SYNPO2: variants seen among roughly 807,000 people sequenced by gnomAD.
SYNPO2 encodes synaptopodin-2.
A neutral mutation model predicts 85.0 loss-of-function variants in SYNPO2; 56 were observed. That is an observed-to-expected ratio of 0.66 (90% CI 0.53 to 0.82). SYNPO2 has a LOEUF of 0.82. Among genes scored for constraint, SYNPO2 ranks in the 40% least tolerant of loss-of-function variants. The pLI is 0.00. For synonymous variants in SYNPO2, 602 were observed against 591.1 expected (o/e 1.02, Z -0.27); for missense variants, 1,575 against 1,534.2 (o/e 1.03, Z -0.44).
chr4:118,887,859 C>T (rs1732234931), upstream of SYNPO2, among the ~76,000 whole-genome samples: 1 of 152,010 alleles, frequency 6.6e-6, no homozygotes, highest in Admixed American at 6.5e-5. Flanking sequence ...TGTTTGGTAC[C>T]ACAAGTAACA....
At chr4:118,976,791 G>A (rs1735765824) in intron 1 of SYNPO2, among the ~76,000 whole-genome samples, 1 of 151,686 alleles carries the variant, frequency 6.6e-6, no homozygotes, top group Non-Finnish European at 1.5e-5. Context: ...AATGCCGATT[G>A]GTGTATTTAC....
intron 1 of SYNPO2, among the ~76,000 whole-genome samples, chr4:118,975,994 A>G (rs926619726): frequency 6.6e-6 from 1 of 152,248 alleles, no homozygotes; most frequent in Admixed American, 6.5e-5. Flanking sequence ...GGAGACTGCC[A>G]TTTATTAATA....
chr4:119,021,165 A>G (rs1737706974), intron 1 of SYNPO2, among the ~76,000 whole-genome samples: 1 of 152,216 alleles, frequency 6.6e-6, no homozygotes, highest in Admixed American at 6.5e-5. Context: ...CCCTCCCAGA[A>G]CAAAACTAAT....
chr4:118,982,347 T>C (rs1378190547), intron 1 of SYNPO2, among the ~76,000 whole-genome samples: 1 of 152,098 alleles, frequency 6.6e-6, no homozygotes, highest in African/African-American at 2.4e-5. Flanking sequence ...AAATCATGAG[T>C]ATGTTTGCAG....
chr4:118,961,401 C>T (rs1382165936), intron 1 of SYNPO2, among the ~76,000 whole-genome samples: 3 of 152,044 alleles, frequency 2.0e-5, no homozygotes, highest in Non-Finnish European at 4.4e-5. Flanking sequence ...ATTCTTCAGA[C>T]ATGCTAAGCT....
chr4:118,863,025 G>A (rs1359977974), intron 1 of SYNPO2, among the ~76,000 whole-genome samples: 1 of 152,146 alleles, frequency 6.6e-6, no homozygotes, highest in Non-Finnish European at 1.5e-5. Context: ...TGGCCAGGCT[G>A]CTCTGGAACT....
rs147878127 is a variant in SYNPO2, at chr4:118,876,464, C to CT, written c.12+25526dup. ...TTTCCCTCTGAAACTCTTTTGTTTA[C>CT]TTATGTATTGTCTGGCTTCTCCAGT... On this transcript the variant is annotated intron_variant, in intron 1 of 4. Coordinates refer to the SYNPO2 transcript ENST00000610556. Among the ~76,000 whole-genome samples, 464 of 152,252 alleles carry CT rather than the reference C, an allele frequency of 3.0e-3. 2 individuals are homozygous for CT. Among genetic ancestry groups the CT allele is most frequent in the African/African-American group, 0.01 (435 of 41,554 alleles).
At chr4:118,852,850 A>T (rs6848274) in intron 1 of SYNPO2, among the ~76,000 whole-genome samples, 77,806 of 152,034 alleles carry the variant, frequency 0.51, 22,189 homozygotes, top group African/African-American at 0.77. Context: ...AACCTACACA[A>T]GTACCCCTGA....
intron 1 of SYNPO2, among the ~76,000 whole-genome samples, chr4:118,862,325 C>A (rs2110566291): frequency 6.6e-6 from 1 of 152,244 alleles, no homozygotes; most frequent in Middle Eastern, 3.4e-3. Flanking sequence ...CTTTATTTCT[C>A]TTGTCTGATT....
chr4:119,035,906 TA>T (rs1738494634), intron 4 of SYNPO2: 1 of 985,282 alleles, frequency 1.0e-6, no homozygotes, highest in African/African-American at 1.7e-5. Flanking sequence ...GTTACAAGGT[TA>T]AAGAACTTTG....
intron 1 of SYNPO2, among the ~76,000 whole-genome samples, chr4:118,880,099 T>C (rs1393848274): frequency 1.3e-5 from 2 of 152,190 alleles, no homozygotes; most frequent in Non-Finnish European, 2.9e-5. Context: ...ACCACCTTCT[T>C]TTCCTGCTCA....
At chr4:118,852,459 A>G (rs148908464) in intron 1 of SYNPO2, among the ~76,000 whole-genome samples, 6,273 of 152,322 alleles carry the variant, frequency 0.041, 198 homozygotes, top group Non-Finnish European at 0.064. Flanking sequence ...GCAAAGACAT[A>G]GAATCAACCT....
At chr4:118,928,093 G>C (rs1325507625) in intron 1 of SYNPO2, among the ~76,000 whole-genome samples, 1 of 152,184 alleles carries the variant, frequency 6.6e-6, no homozygotes, top group South Asian at 2.1e-4. Context: ...CCCAGAAGGA[G>C]CTTTCAAACA....
At position 119,060,244 on chromosome 4, in the gene SYNPO2, A is replaced by C. The variant is rs1288794578; in HGVS notation, c.*2310A>C. ...ACTTCTCTCTCATTGCATGCACTAG[A>C]TCAATATTATCATCTGTATTAAGCT... On this transcript the variant is annotated 3_prime_UTR_variant, in exon 5 of 5. Coordinates refer to ENST00000307142, the MANE Select transcript of SYNPO2 (RefSeq NM_133477.3). 6.6e-6 allele frequency: 1 copy of C among 152,186 alleles called. No individual in the cohort carries two copies. The highest frequency in any genetic ancestry group is 1.5e-5 in the Non-Finnish European group (1 of 68,012). 9.4% of individuals were successfully genotyped at this position (152,186 alleles called of 1,614,324 possible). A position where few individuals can be genotyped will look rare whatever the true frequency, so the allele number is the denominator to read the frequency against.
intron 1 of SYNPO2, among the ~76,000 whole-genome samples, chr4:119,008,639 T>C (rs1217834557): frequency 6.6e-6 from 1 of 152,186 alleles, no homozygotes; most frequent in Non-Finnish European, 1.5e-5. Flanking sequence ...TCAACATTAC[T>C]TACATTTTGT....
chr4:118,894,988 A>G (rs1732506647), intron 1 of SYNPO2, among the ~76,000 whole-genome samples: 2 of 152,250 alleles, frequency 1.3e-5, no homozygotes, highest in Admixed American at 6.5e-5. Flanking sequence ...CATGACTAAC[A>G]TACATAAAGA....
chr4:118,896,615 C>G (rs1450943957), intron 1 of SYNPO2, among the ~76,000 whole-genome samples: 1 of 152,112 alleles, frequency 6.6e-6, no homozygotes, highest in Non-Finnish European at 1.5e-5. Flanking sequence ...ACTTTAGGCA[C>G]CTAGTGTTTC....
chr4:119,019,676 A>T (rs979985557), intron 1 of SYNPO2, among the ~76,000 whole-genome samples: 7 of 152,196 alleles, frequency 4.6e-5, no homozygotes, highest in Admixed American at 4.6e-4. Context: ...TTAAACATCT[A>T]GACGATAAAA....
At position 118,947,779 on chromosome 4, in the gene SYNPO2, T is replaced by C. The variant is rs900094826; in HGVS notation, c.105+58638T>C. Among the ~76,000 whole-genome samples, 6 of 152,228 alleles carry C rather than the reference T, an allele frequency of 3.9e-5. No individual in the cohort carries two copies. The East Asian group carries it at 1.2e-3, about 29-fold the overall frequency. On this transcript the variant is annotated intron_variant, in intron 1 of 4. Coordinates refer to ENST00000307142, the MANE Select transcript of SYNPO2 (RefSeq NM_133477.3). Reference sequence around the variant, plus strand: ...ATGCTTTCATAGCACTGTGTGTGTGTGTTTGTGTCTATATAATATGTGTAT... The same window carrying C: ...ATGCTTTCATAGCACTGTGTGTGTGCGTTTGTGTCTATATAATATGTGTAT...
Sources: allele counts gnomAD v4.1 joint callset (sites outside exome capture counted in the v4.1 genomes callset), GRCh38; gene constraint gnomAD v4.1.1; transcripts MANE v1.5; gene names NCBI Gene and HGNC (gene_info 2026-07-23, HGNC 2026-07-21).